Variants in THSD7B observed in about 807,000 individuals in gnomAD.
The protein encoded by THSD7B is thrombospondin type-1 domain-containing protein 7B.
Under a neutral mutation model 213.6 loss-of-function variants are expected in THSD7B, and 138 were observed. That is an observed-to-expected ratio of 0.65 (90% CI 0.56 to 0.74). The LOEUF is 0.74. Among genes scored for constraint, THSD7B ranks in the 30% least tolerant of loss-of-function variants. The pLI, the probability that THSD7B is intolerant of heterozygous loss-of-function variation, is 0.00. For synonymous variants in THSD7B, 742 were observed against 687.0 expected (o/e 1.08, Z -1.25); for missense variants, 1,931 against 1,991.5 (o/e 0.97, Z 0.58).
At chr2:137,194,957 G>A (rs377665160) in intron 7 of THSD7B, among the ~76,000 whole-genome samples, 3 of 152,040 alleles carry the variant, frequency 2.0e-5, no homozygotes, top group African/African-American at 7.2e-5. Context: ...ATTAATAGTG[G>A]TAGAAACAGT....
At chr2:136,998,573 T>G (rs1416184286) in intron 2 of THSD7B, among the ~76,000 whole-genome samples, 2 of 152,126 alleles carry the variant, frequency 1.3e-5, no homozygotes, top group Non-Finnish European at 2.9e-5. Context: ...AGTATCAAGT[T>G]ATGTGGCATA....
chr2:137,003,145 T>C (rs1217670639), intron 2 of THSD7B, among the ~76,000 whole-genome samples: 3 of 152,180 alleles, frequency 2.0e-5, no homozygotes, highest in Non-Finnish European at 2.9e-5. Context: ...ATGAGAAGGA[T>C]TGAACAAGAG....
intron 21 of THSD7B, 125 bp from the exon 22 acceptor site, chr2:137,655,376 G>A (rs1313003241): frequency 1.0e-6 from 1 of 993,064 alleles, no homozygotes; most frequent in Non-Finnish European, 1.5e-6. Context: ...TTGAGAGATA[G>A]CTCACAAGAA....
chr2:137,230,236 C>T (rs1288841423), intron 7 of THSD7B, among the ~76,000 whole-genome samples: 1 of 152,158 alleles, frequency 6.6e-6, no homozygotes, highest in Non-Finnish European at 1.5e-5. Flanking sequence ...TTAGTCCTAA[C>T]ATCTGTTAAT....
At chr2:137,335,845 G>T (rs997583958) in intron 12 of THSD7B, among the ~76,000 whole-genome samples, 2 of 152,018 alleles carry the variant, frequency 1.3e-5, no homozygotes, top group Non-Finnish European at 2.9e-5. Flanking sequence ...GAAGAATATT[G>T]CCCTATCAAG....
At chr2:137,675,445 T>TATATATATATATCTATATGC (rs1199450259) in intron 27 of THSD7B, among the ~76,000 whole-genome samples, 1 of 114,456 alleles carries the variant, frequency 8.7e-6, no homozygotes, top group African/African-American at 3.6e-5. Flanking sequence ...TATATATATA[T>TATATATATATATCTATATGC]ATGCGGACAG....
At chr2:137,100,129 T>C (rs1019089213) in intron 4 of THSD7B, among the ~76,000 whole-genome samples, 3 of 151,982 alleles carry the variant, frequency 2.0e-5, no homozygotes, top group African/African-American at 7.2e-5. Flanking sequence ...GAGAAAACCC[T>C]GGGTATTAGT....
At chr2:137,587,859 G>A (rs111621577) in intron 17 of THSD7B, among the ~76,000 whole-genome samples, 33,152 of 152,130 alleles carry the variant, frequency 0.22, 3,793 homozygotes, top group Middle Eastern at 0.32. Context: ...ACTCTCTTCA[G>A]AGCTGTCAGA....
chr2:136,937,840 T>C (rs1398281031), intron 2 of THSD7B, among the ~76,000 whole-genome samples: 1 of 152,148 alleles, frequency 6.6e-6, no homozygotes, highest in Non-Finnish European at 1.5e-5. Context: ...AGTGGAACTG[T>C]TGAAGAAATA....
intron 2 of THSD7B, among the ~76,000 whole-genome samples, chr2:136,898,015 C>T (rs1199470215): frequency 6.6e-6 from 1 of 152,104 alleles, no homozygotes; most frequent in Admixed American, 6.5e-5. Flanking sequence ...CTGATTGGTG[C>T]GTTTTTACAG....
At chr2:137,585,238 T>C (rs1681693943) in intron 17 of THSD7B, among the ~76,000 whole-genome samples, 1 of 152,140 alleles carries the variant, frequency 6.6e-6, no homozygotes, top group African/African-American at 2.4e-5. Flanking sequence ...CTTTTTTTCT[T>C]TATTAGTCTT....
intron 1 of THSD7B, among the ~76,000 whole-genome samples, chr2:136,873,888 A>G (rs13429885): frequency 0.08 from 12,212 of 152,230 alleles, 637 homozygotes; most frequent in Middle Eastern, 0.17. Flanking sequence ...ACAAGGCATG[A>G]TGTAAACAGA....
intron 12 of THSD7B, among the ~76,000 whole-genome samples, chr2:137,336,064 C>T (rs10182487): frequency 0.03 from 4,558 of 152,010 alleles, 225 homozygotes; most frequent in African/African-American, 0.1. Context: ...AATATGAGGT[C>T]ATTGATTAAG....
intron 26 of THSD7B, among the ~76,000 whole-genome samples, chr2:137,666,961 T>A (rs1399513805): frequency 6.6e-6 from 1 of 152,052 alleles, no homozygotes; most frequent in Non-Finnish European, 1.5e-5. Context: ...TTACAGTAAT[T>A]TGGTGAATTG....
chr2:136,881,163 C>T (rs1540423), intron 1 of THSD7B, among the ~76,000 whole-genome samples: 130,795 of 152,154 alleles, frequency 0.86, 56,595 homozygotes, highest in Non-Finnish European at 0.91. Context: ...GTGTGAGGCT[C>T]TCCTCTCTTT....
At chr2:136,805,223 A>G (rs1682261327) in intron 1 of THSD7B, among the ~76,000 whole-genome samples, 1 of 152,050 alleles carries the variant, frequency 6.6e-6, no homozygotes, top group African/African-American at 2.4e-5. Context: ...ATGAATTAAC[A>G]GGCATTCTCT....
At chr2:137,129,835 T>C (rs1688696818) in intron 5 of THSD7B, among the ~76,000 whole-genome samples, 1 of 152,196 alleles carries the variant, frequency 6.6e-6, no homozygotes, top group African/African-American at 2.4e-5. Context: ...ATTTGCATTG[T>C]TGGGTGGCGG....
intron 14 of THSD7B, among the ~76,000 whole-genome samples, chr2:137,414,053 G>GT (rs369602020): frequency 6.9e-4 from 105 of 152,194 alleles, no homozygotes; most frequent in African/African-American, 2.1e-3. Context: ...TTTGTGGAGG[G>GT]TTTTTTAATT....
intron 15 of THSD7B, among the ~76,000 whole-genome samples, chr2:137,482,580 G>T (rs757369890): frequency 1.3e-5 from 2 of 152,112 alleles, no homozygotes; most frequent in Non-Finnish European, 2.9e-5. Flanking sequence ...ACTTGCATAG[G>T]TATTCCTGGG....
Sources: allele counts gnomAD v4.1 joint callset (sites outside exome capture counted in the v4.1 genomes callset), GRCh38; gene constraint gnomAD v4.1.1; transcripts MANE v1.5; gene names NCBI Gene and HGNC (gene_info 2026-07-23, HGNC 2026-07-21).